Variants in PGM2L1 observed in about 807,000 individuals in gnomAD.
PGM2L1 encodes the protein phosphoglucomutase 2 like 1, also known as glucose 1,6-bisphosphate synthase.
Under a neutral mutation model 73.4 loss-of-function variants are expected in PGM2L1, and 35 were observed. The observed-to-expected ratio is 0.48, with a 90% confidence interval of 0.36 to 0.63. The LOEUF (loss-of-function observed/expected upper bound fraction) is 0.63. Among genes scored for constraint, PGM2L1 ranks in the 30% least tolerant of loss-of-function variants. PGM2L1 has a pLI of 0.00. For missense variants in PGM2L1, 570 were observed against 742.0 expected (o/e 0.77, Z 2.69); for synonymous variants, 225 against 253.8 (o/e 0.89, Z 1.08).
chr11:74,341,678 C>T (rs924522385), intron 12 of PGM2L1, among the ~76,000 whole-genome samples: 5 of 119,236 alleles, frequency 4.2e-5, no homozygotes, highest in African/African-American at 6.7e-5. Context: ...GTAGACAGAG[C>T]GAGACACTGT....
In PGM2L1 at chr11:74,381,889, C is replaced by G. The variant is rs141395563; in HGVS notation, c.112-7307G>C. Among the ~76,000 whole-genome samples the G allele has an allele frequency of 2.2e-4, 34 of 152,060 alleles. No homozygotes were observed. In the East Asian group the frequency reaches 6.4e-3, roughly 29 times the overall value. On this transcript the variant is annotated intron_variant, in intron 1 of 13. Coordinates refer to ENST00000298198, the MANE Select transcript of PGM2L1 (RefSeq NM_173582.6). ...TGAAATAATATCTATACCCAGCACG[C>G]TAACCATTGCTTCCCCCCCACCCCC...
At chr11:74,385,900 A>G (rs901242143) in intron 1 of PGM2L1, among the ~76,000 whole-genome samples, 1 of 152,172 alleles carries the variant, frequency 6.6e-6, no homozygotes, top group Non-Finnish European at 1.5e-5. Context: ...TGTCATCTTT[A>G]CATGTTATAG....
At chr11:74,354,404 C>A in intron 5 of PGM2L1, 1 of 626,834 alleles carries the variant, frequency 1.6e-6, no homozygotes, top group Non-Finnish European at 2.9e-6. Flanking sequence ...GTGGATGCTG[C>A]TGAGGAAGCA....
chr11:74,389,605 G>A (rs1419887867), intron 1 of PGM2L1, among the ~76,000 whole-genome samples: 2 of 151,222 alleles, frequency 1.3e-5, no homozygotes, highest in Non-Finnish European at 2.9e-5. Flanking sequence ...GTGCCATCAC[G>A]CCCAGCTAAT....
At chr11:74,377,176 C>G (rs956645016) in intron 1 of PGM2L1, among the ~76,000 whole-genome samples, 5 of 151,308 alleles carry the variant, frequency 3.3e-5, no homozygotes, top group African/African-American at 1.2e-4. Context: ...GCTCTGTCAC[C>G]CAGGCTGGAG....
intron 3 of PGM2L1, among the ~76,000 whole-genome samples, 157 bp downstream of exon 3, chr11:74,371,554 C>T (rs992884865): frequency 6.6e-6 from 1 of 152,038 alleles, no homozygotes; most frequent in Non-Finnish European, 1.5e-5. Flanking sequence ...CTTTGAGATA[C>T]TTTTTCTTCT....
At chr11:74,368,426 A>T in intron 5 of PGM2L1, 66 bp downstream of exon 5, 6 of 1,379,014 alleles carry the variant, frequency 4.4e-6, no homozygotes, top group Non-Finnish European at 6.2e-6. Context: ...AACATACTCA[A>T]CACATATTAT....
intron 5 of PGM2L1, among the ~76,000 whole-genome samples, chr11:74,363,021 A>G (rs577858136): frequency 1.4e-4 from 21 of 152,228 alleles, no homozygotes; most frequent in Non-Finnish European, 2.8e-4. Flanking sequence ...AAAAGAACAG[A>G]AATTATAACA....
intron 10 of PGM2L1, 61 bp downstream of exon 10, chr11:74,343,262 A>G (rs1862210615): frequency 1.3e-6 from 2 of 1,509,354 alleles, no homozygotes; most frequent in Admixed American, 2.4e-5. Context: ...AACTCCTCCT[A>G]CAGAATTACA....
intron 4 of PGM2L1, among the ~76,000 whole-genome samples, chr11:74,369,687 G>A (rs191534792): frequency 2.0e-4 from 31 of 152,320 alleles, no homozygotes; most frequent in Admixed American, 1.2e-3. Context: ...ATGCTTGCTT[G>A]TAATATAAAT....
intron 12 of PGM2L1, among the ~76,000 whole-genome samples, chr11:74,341,216 A>C (rs143688418): frequency 7.2e-5 from 11 of 152,218 alleles, no homozygotes; most frequent in Non-Finnish European, 1.5e-4. Context: ...ATAAGTTAGC[A>C]GACTGAAAAA....
chr11:74,386,977 A>G (rs1258442496), intron 1 of PGM2L1, among the ~76,000 whole-genome samples: 1 of 152,230 alleles, frequency 6.6e-6, no homozygotes, highest in African/African-American at 2.4e-5. Flanking sequence ...AAAGTTAGCA[A>G]AATATATGAT....
At chr11:74,341,077 TA>T (rs1440136914) in intron 12 of PGM2L1, among the ~76,000 whole-genome samples, 1 of 152,222 alleles carries the variant, frequency 6.6e-6, no homozygotes, top group African/African-American at 2.4e-5. Context: ...CAACATTATC[TA>T]GCATCCTTGC....
intron 9 of PGM2L1, among the ~76,000 whole-genome samples, 193 bp downstream of exon 9, chr11:74,345,276 T>C (rs1862244689): frequency 6.6e-6 from 1 of 152,112 alleles, no homozygotes; most frequent in Non-Finnish European, 1.5e-5. Flanking sequence ...GTCCCAGAAA[T>C]TCATATACGG....
chr11:74,359,446 C>T (rs934051701), intron 5 of PGM2L1, among the ~76,000 whole-genome samples: 1 of 152,030 alleles, frequency 6.6e-6, no homozygotes, highest in African/African-American at 2.4e-5. Context: ...CACACACACA[C>T]ACATACATAT....
chr11:74,374,422 G>T lies in PGM2L1; in HGVS notation c.272C>A (p.Ser91Ter). 2 of 1,609,830 alleles carry T rather than the reference G, an allele frequency of 1.2e-6. No individual in the cohort carries two copies. Among genetic ancestry groups the T allele is most frequent in the South Asian group, 2.2e-5 (2 of 90,762 alleles). ...CYINDLTVIQ[S>*]TQGMYKYLER... Reference sequence around the variant, plus strand: ...ATACTTTATAATACTTACCTGTGTTGACTGTATTACTGTAAGGTCATTAAT... The same window carrying T: ...ATACTTTATAATACTTACCTGTGTTTACTGTATTACTGTAAGGTCATTAAT... The change falls in exon 2 of 14, where the codon TCA becomes TAA. Residue 91 changes from serine (S) to a stop codon, truncating the protein, a stop_gained. Transcript: ENST00000298198. LOFTEE classifies it high-confidence loss of function.
chr11:74,352,589 C>T (rs1329898028), intron 5 of PGM2L1, among the ~76,000 whole-genome samples: 1 of 152,128 alleles, frequency 6.6e-6, no homozygotes, highest in Admixed American at 6.5e-5. Context: ...CTATTGCATC[C>T]TGAATGAAGG....
intron 1 of PGM2L1, among the ~76,000 whole-genome samples, chr11:74,378,151 A>G (rs1649016200): frequency 6.6e-6 from 1 of 152,104 alleles, no homozygotes; most frequent in Non-Finnish European, 1.5e-5. Flanking sequence ...AAAATACAAA[A>G]ATTAGCTGGG....
In PGM2L1 at chr11:74,331,537, C is replaced by A. The variant is rs539798783; in HGVS notation, c.*5115G>T. 3.3e-5 allele frequency: 5 copies of A among 152,326 alleles called. No individual in the cohort carries two copies. The highest frequency in any genetic ancestry group is 7.3e-5 in the Non-Finnish European group (5 of 68,236). 9.4% of individuals were successfully genotyped at this position (152,326 alleles called of 1,614,324 possible). On this transcript the variant is annotated 3_prime_UTR_variant, in exon 14 of 14. Coordinates refer to ENST00000298198, the MANE Select transcript of PGM2L1 (RefSeq NM_173582.6). ...TCGGCCTCCCAAAGTGCTAGGATTA[C>A]AGGCATGAGCCACCGAGCCCGGCCT...
Sources: gnomAD v4.1 joint callset for allele counts (sites outside exome capture counted in the v4.1 genomes callset) on GRCh38, gnomAD v4.1.1 for gene constraint, MANE v1.5 for transcripts, NCBI Gene and HGNC (gene_info 2026-07-23, HGNC 2026-07-21) for gene names.